LMO7: variants seen among roughly 807,000 people sequenced by gnomAD.
LMO7 encodes LIM domain 7, also known as LIM domain only protein 7.
A neutral mutation model predicts 206.5 loss-of-function variants in LMO7; 120 were observed. That is an observed-to-expected ratio of 0.58 (90% CI 0.50 to 0.68). The LOEUF is 0.68. Ranked by LOEUF, LMO7 falls within the 30% of genes least tolerant of loss-of-function variation. The probability of loss-of-function intolerance (pLI) is 0.00; values close to 1 mark genes in which losing one functional copy is unlikely to be tolerated. For synonymous variants in LMO7, 706 were observed against 681.5 expected (o/e 1.04, Z -0.56); for missense variants, 1,959 against 1,957.9 (o/e 1.00, Z -0.01).
intron 3 of LMO7, among the ~76,000 whole-genome samples, chr13:75,728,586 T>G: frequency 7.0e-6 from 1 of 142,358 alleles, no homozygotes. Context: ...GCCTGTTCAC[T>G]CTGATGGTAG....
rs944516963 is a variant in LMO7, at chr13:75,699,899, A to G, written c.70-13283A>G. On this transcript the variant is annotated intron_variant, in intron 1 of 30. Transcript: ENST00000377534. ...GCTGCAGGAGACCAGGGCGTATTTT[A>G]TCCCTTATCTTCAACTGCATAAGAC... Among the ~76,000 whole-genome samples the G allele has an allele frequency of 2.6e-5, 4 of 152,304 alleles. No homozygotes were observed. The South Asian group carries it at 8.3e-4, about 32-fold the overall frequency.
At position 75,681,736 on chromosome 13, in the gene LMO7, A is replaced by ATATG. The variant is rs1555293421; in HGVS notation, c.70-31443_70-31442insGTAT. Among the ~76,000 whole-genome samples the ATATG allele has an allele frequency of 8.2e-4, 109 of 133,230 alleles. 2 individuals carry two copies. Among genetic ancestry groups the ATATG allele is most frequent in the African/African-American group, 2.9e-3 (107 of 37,410 alleles). 87.4% of individuals were successfully genotyped at this position (133,230 alleles called of 152,430 possible). On this transcript the variant is annotated intron_variant, in intron 1 of 30. Coordinates refer to ENST00000377534, the MANE Select transcript of LMO7 (RefSeq NM_001306080.2). ...TATATATGTATATATATATATATAT[A>ATATG]TATATATATATATGGAATCTTATTA...
Position 75,821,307 on chromosome 13 carries a change from G to A in LMO7, c.2338G>A (p.Glu780Lys), listed in dbSNP as rs7998249. The change falls in exon 14 of 31, where the codon GAA (glutamate) becomes AAA (lysine). Residue 780 changes from glutamate to lysine, a missense_variant. Transcript: ENST00000377534. ...AGCAAGTTACCAGAGTGAGAGAGTAGAAGAGAAGGGAGCAACTTATCCTTC... is the reference window on the plus strand; with the variant it reads ...AGCAAGTTACCAGAGTGAGAGAGTAAAAGAGAAGGGAGCAACTTATCCTTC... ...SEASYQSERV[E>K]EKGATYPSEI... The A allele has an allele frequency of 4.2e-5, 67 of 1,614,180 alleles. No homozygotes were observed. The African/African-American group carries it at 8.4e-4, about 20-fold the overall frequency.
At chr13:75,703,239 C>A (rs1446066762) in intron 1 of LMO7, among the ~76,000 whole-genome samples, 4 of 152,040 alleles carry the variant, frequency 2.6e-5, no homozygotes, top group African/African-American at 9.7e-5. Context: ...TAAATAGCAA[C>A]TATTTATAGG....
At chr13:75,754,169 A>G (rs968387071) in intron 3 of LMO7, among the ~76,000 whole-genome samples, 3 of 152,212 alleles carry the variant, frequency 2.0e-5, no homozygotes, top group Non-Finnish European at 4.4e-5. Flanking sequence ...CTTAACATCA[A>G]GTGGTTTCTC....
intron 11 of LMO7, among the ~76,000 whole-genome samples, chr13:75,814,198 CATA>C (rs1401802520): frequency 2.0e-5 from 3 of 152,146 alleles, no homozygotes; most frequent in Non-Finnish European, 4.4e-5. Flanking sequence ...TGTGGATAGC[CATA>C]ATAATCTTAC....
intron 2 of LMO7, among the ~76,000 whole-genome samples, chr13:75,723,410 A>T (rs2044193692): frequency 6.6e-6 from 1 of 152,162 alleles, no homozygotes; most frequent in Non-Finnish European, 1.5e-5. Context: ...TATGTTGTTC[A>T]ATGTCATCTT....
chr13:75,811,308 G>C (rs910575606), intron 11 of LMO7, among the ~76,000 whole-genome samples: 3 of 150,302 alleles, frequency 2.0e-5, no homozygotes, highest in Non-Finnish European at 4.4e-5. Flanking sequence ...GCCTCCCAAA[G>C]TGTTAGGATT....
At chr13:75,697,425 A>C (rs1453848183) in intron 1 of LMO7, among the ~76,000 whole-genome samples, 1 of 152,184 alleles carries the variant, frequency 6.6e-6, no homozygotes, top group African/African-American at 2.4e-5. Flanking sequence ...AGAGAGAATG[A>C]GAGCCAAACA....
At chr13:75,855,436 C>A in intron 29 of LMO7, 68 bp downstream of exon 29, 1 of 958,784 alleles carries the variant, frequency 1.0e-6, no homozygotes, top group Non-Finnish European at 1.6e-6. Flanking sequence ...CTGCTTTGAG[C>A]CGCTGGGTGT....
intron 3 of LMO7, chr13:75,760,364 C>T (rs1291888471): frequency 9.9e-7 from 1 of 1,014,950 alleles, no homozygotes; most frequent in Non-Finnish European, 1.2e-6. Context: ...TAGGTTTCTC[C>T]TCAGTCCTAT....
At chr13:75,701,487 C>T (rs901248923) in intron 1 of LMO7, among the ~76,000 whole-genome samples, 4 of 152,132 alleles carry the variant, frequency 2.6e-5, no homozygotes, top group Non-Finnish European at 5.9e-5. Flanking sequence ...TTGAGACTTG[C>T]TAATGTGTGT....
intron 3 of LMO7, among the ~76,000 whole-genome samples, chr13:75,754,724 A>T (rs577750598): frequency 2.0e-3 from 312 of 152,356 alleles, no homozygotes; most frequent in African/African-American, 6.0e-3. Flanking sequence ...AAGAGCAAGG[A>T]CATGTGCTAT....
At chr13:75,841,515 G>A in intron 23 of LMO7, 113 bp from the exon 24 acceptor site, 1 of 740,486 alleles carries the variant, frequency 1.4e-6, no homozygotes, top group Non-Finnish European at 2.2e-6. Context: ...TTTTTGAGTG[G>A]AGTCCTGGGC....
chr13:75,844,566 C>T (rs2059833492), intron 25 of LMO7, among the ~76,000 whole-genome samples: 1 of 151,954 alleles, frequency 6.6e-6, no homozygotes, highest in African/African-American at 2.4e-5. Context: ...CATGCCACCA[C>T]ATCTAGCTTG....
intron 3 of LMO7, among the ~76,000 whole-genome samples, chr13:75,739,526 T>C (rs2046246255): frequency 6.6e-6 from 1 of 152,194 alleles, no homozygotes; most frequent in Non-Finnish European, 1.5e-5. Flanking sequence ...GGGAAATAAA[T>C]AAAAGGCAAG....
chr13:75,695,999 G>A (rs1386894163), intron 1 of LMO7, among the ~76,000 whole-genome samples: 4 of 152,194 alleles, frequency 2.6e-5, no homozygotes, highest in Admixed American at 1.3e-4. Flanking sequence ...CTCAGAATGT[G>A]CCAGCAGGTG....
rs555970331 is a variant in LMO7 at position 75,697,332 on chromosome 13, C to T, written c.70-15850C>T. Among the ~76,000 whole-genome samples, 6 of 152,254 alleles carry T rather than the reference C, an allele frequency of 3.9e-5. No homozygotes were observed. The East Asian group carries it at 1.2e-3, about 29-fold the overall frequency. On this transcript the variant is annotated intron_variant, in intron 1 of 30. Transcript: ENST00000377534. ...ATAAAGGAAAGAGGTTTAATGGACT[C>T]AGTTCTACATGGCTGGGGAGGCCTC...
intron 1 of LMO7, among the ~76,000 whole-genome samples, chr13:75,700,865 A>G (rs753961100): frequency 6.6e-6 from 1 of 152,232 alleles, no homozygotes; most frequent in Non-Finnish European, 1.5e-5. Context: ...TATTTCTGAA[A>G]TCTTCCTTTT....
Sources: gnomAD v4.1 joint callset for allele counts (sites outside exome capture counted in the v4.1 genomes callset) on GRCh38, gnomAD v4.1.1 for gene constraint, MANE v1.5 for transcripts, NCBI Gene and HGNC (gene_info 2026-07-23, HGNC 2026-07-21) for gene names.